SGTB: variants seen among roughly 807,000 people sequenced by gnomAD.
SGTB encodes the protein small glutamine rich tetratricopeptide repeat co-chaperone beta, also known as small glutamine-rich tetratricopeptide repeat-containing protein beta.
In SGTB, 19 loss-of-function variants were observed where a neutral mutation model predicts 43.9. The observed-to-expected ratio is 0.43, with a 90% CI of 0.30 to 0.63. The LOEUF (loss-of-function observed/expected upper bound fraction) is 0.63. Among genes scored for constraint, SGTB ranks in the 30% least tolerant of loss-of-function variants. SGTB has a pLI of 0.12. For missense variants in SGTB, 304 were observed against 358.9 expected, an observed-to-expected ratio of 0.85 and a Z score of 1.24; for synonymous variants, 116 against 117.3, an observed-to-expected ratio of 0.99 and a Z score of 0.07.
rs535132086 is a variant in SGTB, at chr5:65,696,163, G to A, written c.374+8116C>T. On this transcript the variant is annotated intron_variant, in intron 5 of 10. Coordinates refer to ENST00000381007, the MANE Select transcript of SGTB (RefSeq NM_019072.3). ...TATACTAAGCTCTCCAATCTGAAAT[G>A]CCTTCCCCTCTCCTCTGCCTATCCA... Among the ~76,000 whole-genome samples the A allele has an allele frequency of 3.3e-5, 5 of 152,270 alleles. No individual in the cohort carries two copies. The South Asian group carries it at 1.0e-3, about 32-fold the overall frequency.
At chr5:65,687,439 G>A (rs374336593) in intron 5 of SGTB, among the ~76,000 whole-genome samples, 18 of 152,278 alleles carry the variant, frequency 1.2e-4, no homozygotes, top group African/African-American at 3.9e-4. Flanking sequence ...AGATACATAC[G>A]TACTCAGAAA....
upstream of SGTB, chr5:65,722,497 C>A: frequency 7.9e-7 from 1 of 1,259,664 alleles, no homozygotes; most frequent in Non-Finnish European, 1.1e-6. Context: ...GGACCCACCC[C>A]TTCCCGACCG....
chr5:65,687,088 G>T (rs980292515), intron 5 of SGTB, among the ~76,000 whole-genome samples: 4 of 152,140 alleles, frequency 2.6e-5, no homozygotes, highest in African/African-American at 9.7e-5. Flanking sequence ...AGCTGAACCT[G>T]GGAATATAAA....
At chr5:65,720,209 G>A (rs1758235529) in intron 2 of SGTB, among the ~76,000 whole-genome samples, 1 of 151,112 alleles carries the variant, frequency 6.6e-6, no homozygotes, top group Admixed American at 6.6e-5. Flanking sequence ...AGCCTCCTGA[G>A]TAGCTGGGAC....
chr5:65,685,609 A>C, intron 5 of SGTB, 137 bp from the exon 6 acceptor site: 1 of 630,900 alleles, frequency 1.6e-6, no homozygotes, highest in Non-Finnish European at 2.7e-6. Context: ...CAAACTGTCT[A>C]AGATAATTAT....
intron 7 of SGTB, 22 bp from the exon 8 acceptor site, chr5:65,680,578 G>T (rs376265452): frequency 6.2e-7 from 1 of 1,613,960 alleles, no homozygotes; most frequent in Non-Finnish European, 8.5e-7. Context: ...TTATATCTGA[G>T]AATCAGTCCA....
intron 2 of SGTB, among the ~76,000 whole-genome samples, chr5:65,717,368 A>C (rs1446547825): frequency 6.6e-6 from 1 of 152,040 alleles, no homozygotes; most frequent in Admixed American, 6.6e-5. Context: ...AGTTTATATG[A>C]TGATGGAAAT....
chr5:65,706,113 GTACCC>G (rs1757928886), intron 4 of SGTB, among the ~76,000 whole-genome samples: 1 of 152,038 alleles, frequency 6.6e-6, no homozygotes, highest in South Asian at 2.1e-4. Flanking sequence ...CTAATGCATT[GTACCC>G]TTTAAAGAAG....
intron 5 of SGTB, among the ~76,000 whole-genome samples, chr5:65,701,009 CAAAAAAA>C (rs1161067337): frequency 0.013 from 204 of 16,112 alleles, 1 homozygote; most frequent in African/African-American, 0.035. Context: ...GACTCCGTCT[CAAAAAAA>C]AAAAAAAAAA....
rs1757131907 is a variant in SGTB, at chr5:65,670,357, C to G, written c.804G>C (p.Ala268=). 6.2e-7 allele frequency: 1 copy of G among 1,613,042 alleles called. No individual in the cohort carries two copies. Among genetic ancestry groups the G allele is most frequent in the Non-Finnish European group, 8.5e-7 (1 of 1,179,306 alleles). The change falls in exon 11 of 11, where the codon GCG becomes GCC. Residue 268 remains alanine, a splice_region_variant and synonymous_variant. Transcript: ENST00000381007. ...GLTDLSSLIQ[A]GQQFAQQIQQ... Reference sequence around the variant, plus strand: ...GTATCTGCTGAGCAAACTGCTGTCCCCTGTAGTAAAGAGGCAATGTGGTTT... The same window carrying G: ...GTATCTGCTGAGCAAACTGCTGTCCGCTGTAGTAAAGAGGCAATGTGGTTT...
intron 5 of SGTB, among the ~76,000 whole-genome samples, chr5:65,689,769 A>C (rs1757570406): frequency 6.6e-6 from 1 of 152,176 alleles, no homozygotes; most frequent in African/African-American, 2.4e-5. Context: ...CTGGCAGACT[A>C]TAGAGAAAAG....
At chr5:65,697,220 T>C (rs982803301) in intron 5 of SGTB, among the ~76,000 whole-genome samples, 2 of 152,182 alleles carry the variant, frequency 1.3e-5, no homozygotes, top group East Asian at 1.9e-4. Flanking sequence ...TAATATTAAA[T>C]AGCATGCTCT....
intron 2 of SGTB, among the ~76,000 whole-genome samples, chr5:65,717,072 C>A (rs1758167101): frequency 6.6e-6 from 1 of 151,764 alleles, no homozygotes. Context: ...AGGAAATGAC[C>A]ATCAACATTA....
At chr5:65,677,856 C>T (rs576355192) in intron 8 of SGTB, among the ~76,000 whole-genome samples, 1 of 152,158 alleles carries the variant, frequency 6.6e-6, no homozygotes, top group East Asian at 1.9e-4. Context: ...ATAATAAAAG[C>T]CATATATGAC....
chr5:65,674,823 A>T (rs1473914732), intron 8 of SGTB, among the ~76,000 whole-genome samples: 1 of 147,664 alleles, frequency 6.8e-6, no homozygotes, highest in South Asian at 2.1e-4. Flanking sequence ...AACCATTCTT[A>T]AAAAAAAAAA....
chr5:65,686,999 C>T (rs961804458), intron 5 of SGTB, among the ~76,000 whole-genome samples: 8 of 152,136 alleles, frequency 5.3e-5, no homozygotes, highest in African/African-American at 1.9e-4. Context: ...CAATTATTTG[C>T]TAGGTATCCA....
upstream of SGTB, chr5:65,722,478 C>T (rs979145699): frequency 8.3e-6 from 12 of 1,437,626 alleles, no homozygotes; most frequent in African/African-American, 1.7e-4. Flanking sequence ...CGTGTGGTGC[C>T]TGGAGCCCGG....
chr5:65,672,424 G>T, intron 8 of SGTB, 143 bp from the exon 9 acceptor site: 1 of 999,018 alleles, frequency 1.0e-6, no homozygotes, highest in Non-Finnish European at 1.5e-6. Context: ...CAAAGTAAAG[G>T]GGAATGTAAA....
chr5:65,699,385 G>C (rs1228523619), intron 5 of SGTB, among the ~76,000 whole-genome samples: 1 of 152,226 alleles, frequency 6.6e-6, no homozygotes, highest in African/African-American at 2.4e-5. Flanking sequence ...AGACTCAGAA[G>C]TGGGAGGATG....
Sources: gnomAD v4.1 joint callset for allele counts (sites outside exome capture counted in the v4.1 genomes callset) on GRCh38, gnomAD v4.1.1 for gene constraint, MANE v1.5 for transcripts, NCBI Gene and HGNC (gene_info 2026-07-23, HGNC 2026-07-21) for gene names.